BCL11A: variants seen among roughly 807,000 people sequenced by gnomAD.
BCL11A encodes the protein B cell CLL/lymphoma 11A.
BCL11A carries 2 observed loss-of-function variants against 55.9 expected under a neutral mutation model. That is an observed-to-expected ratio of 0.04 (90% CI 0.01 to 0.11). The LOEUF is 0.11. Among genes scored for constraint, BCL11A ranks in the 10% least tolerant of loss-of-function variants. The probability of loss-of-function intolerance (pLI) is 1.00; values close to 1 mark genes in which losing one functional copy is unlikely to be tolerated. For missense variants in BCL11A, 817 were observed against 1,137.1 expected (o/e 0.72, Z 4.05); for synonymous variants, 465 against 473.4 (o/e 0.98, Z 0.23).
At chr2:60,516,824 T>G (rs113709802) in intron 2 of BCL11A, among the ~76,000 whole-genome samples, 2 of 152,274 alleles carry the variant, frequency 1.3e-5, no homozygotes, top group South Asian at 2.1e-4. Context: ...TGGAAAACAC[T>G]AAGATATCTT....
intron 3 of BCL11A, among the ~76,000 whole-genome samples, chr2:60,468,024 T>TG (rs1344816607): frequency 1.1e-5 from 1 of 89,768 alleles, no homozygotes; most frequent in South Asian, 4.1e-4. Flanking sequence ...GTGGTGGTGG[T>TG]AGTGGTGGTG....
At chr2:60,481,165 A>G (rs1677933026) in intron 2 of BCL11A, among the ~76,000 whole-genome samples, 2 of 152,126 alleles carry the variant, frequency 1.3e-5, no homozygotes, top group South Asian at 4.2e-4. Flanking sequence ...TGCTGTGCTC[A>G]AGGAGATTGA....
At chr2:60,521,352 G>C (rs115917401) in intron 2 of BCL11A, among the ~76,000 whole-genome samples, 1 of 152,220 alleles carries the variant, frequency 6.6e-6, no homozygotes, top group Non-Finnish European at 1.5e-5. Context: ...TAAAACCAGA[G>C]GGACCCGGGC....
downstream of BCL11A, chr2:60,452,691 A>AG (rs752196143): frequency 3.2e-6 from 5 of 1,567,172 alleles, no homozygotes; most frequent in Admixed American, 1.7e-5. Flanking sequence ...GAGACAGAGG[A>AG]GGGGGAAAAA....
intron 2 of BCL11A, among the ~76,000 whole-genome samples, chr2:60,500,497 A>G (rs1302348631): frequency 2.6e-5 from 4 of 152,200 alleles, no homozygotes; most frequent in Non-Finnish European, 5.9e-5. Flanking sequence ...CCCAAGAGCC[A>G]GGGAAGGAAG....
intron 2 of BCL11A, among the ~76,000 whole-genome samples, chr2:60,513,004 A>T (rs1668548544): frequency 6.6e-6 from 1 of 152,162 alleles, no homozygotes; most frequent in Admixed American, 6.5e-5. Flanking sequence ...CTGACGAGTC[A>T]CAGTGGACCA....
At chr2:60,551,973 A>G (rs2104793231) in intron 1 of BCL11A, among the ~76,000 whole-genome samples, 1 of 152,276 alleles carries the variant, frequency 6.6e-6, no homozygotes, top group African/African-American at 2.4e-5. Flanking sequence ...TTCCCAATCA[A>G]AATCCACTTC....
chr2:60,506,967 C>G (rs1401399473), intron 2 of BCL11A, among the ~76,000 whole-genome samples: 1 of 152,036 alleles, frequency 6.6e-6, no homozygotes, highest in Non-Finnish European at 1.5e-5. Context: ...ATGTGATGAA[C>G]AGAGCTATAA....
At chr2:60,497,619 T>C (rs1201190576) in intron 2 of BCL11A, among the ~76,000 whole-genome samples, 2 of 14,934 alleles carry the variant, frequency 1.3e-4, no homozygotes, top group African/African-American at 4.2e-4. Flanking sequence ...TAATGACCAT[T>C]ATGATGATGA....
intron 2 of BCL11A, chr2:60,526,578 T>A (rs145779355): frequency 6.6e-6 from 1 of 152,356 alleles, no homozygotes; most frequent in Non-Finnish European, 1.5e-5. Context: ...GAGCTCTGAT[T>A]TTAATCTGCA....
chr2:60,495,404 T>C (rs1678888569), intron 2 of BCL11A, among the ~76,000 whole-genome samples: 1 of 152,246 alleles, frequency 6.6e-6, no homozygotes, highest in African/African-American at 2.4e-5. Flanking sequence ...GAATCAGCTA[T>C]CTGCTCTTAC....
chr2:60,454,034 G>T (rs181551680), downstream of BCL11A, among the ~76,000 whole-genome samples: 94 of 152,180 alleles, frequency 6.2e-4, no homozygotes, highest in East Asian at 2.1e-3. Context: ...CTGGGAAATA[G>T]AGAGAGAGAA....
rs1449675152 is a variant in BCL11A at position 60,468,788 on chromosome 2, T to A, written c.431A>T (p.His144Leu). Residue 144 changes from histidine to leucine, a missense_variant, in exon 3 of 4, where the codon CAT becomes CTT. Coordinates refer to ENST00000642384, the MANE Select transcript of BCL11A (RefSeq NM_022893.4). ...WRGLSSPRSAHGALIPTPGMS... is the reference protein window; with the variant it reads ...WRGLSSPRSALGALIPTPGMS... ...CCCAGGCGTGGGGATTAGAGCTCCA[T>A]GTGCAGAACGAGGGGAGGAGAGGCC... 1.9e-6 allele frequency: 3 copies of A among 1,607,158 alleles called. No individual in the cohort carries two copies. Among genetic ancestry groups the A allele is most frequent in the Admixed American group, 1.7e-5 (1 of 57,726 alleles).
rs994374980 is a variant in BCL11A, at chr2:60,493,345, C to T, written c.386-24512G>A. Among the ~76,000 whole-genome samples, 5 of 152,122 alleles carry T rather than the reference C, an allele frequency of 3.3e-5. No homozygotes were observed. In the East Asian group the frequency reaches 7.7e-4, roughly 23 times the overall value. On this transcript the variant is annotated intron_variant, in intron 2 of 3. Coordinates refer to ENST00000642384, the MANE Select transcript of BCL11A (RefSeq NM_022893.4). ...TCTTAGGTAAACATCTAAGGCATTT[C>T]GAGAACACAGAAAAGGTTTTGAGTT...
chr2:60,460,547 T>C lies in BCL11A; in HGVS notation c.2365A>G (p.Met789Val), dbSNP rs1390133648. The C allele has an allele frequency of 6.2e-7, 1 of 1,614,044 alleles. No homozygotes were observed. The highest frequency in any genetic ancestry group is 1.3e-5 in the African/African-American group (1 of 74,946). The stretch of plus-strand genomic sequence containing the variant: ...TTCCCCACCTGGCCATGCGTTTTCA[T>C]GTGCCTGGTGAGCTTGCTACTCTGG... ...CAQSSKLTRH[M>V]KTHGQVGKDV... The change falls in exon 4 of 4, where the codon ATG (methionine) becomes GTG (valine). Residue 789 changes from methionine (M) to valine (V), a missense_variant. Physicochemically the swap from Met to Val is conservative, Grantham distance 21. Coordinates refer to ENST00000642384, the MANE Select transcript of BCL11A (RefSeq NM_022893.4).
downstream of BCL11A, chr2:60,451,091 G>A (rs749151855): frequency 4.5e-5 from 8 of 179,456 alleles, no homozygotes; most frequent in East Asian, 2.8e-4. Context: ...AGTAGAAGTC[G>A]TGAGATCTGT....
At chr2:60,529,486 A>T (rs1326928387) in intron 2 of BCL11A, among the ~76,000 whole-genome samples, 1 of 152,238 alleles carries the variant, frequency 6.6e-6, no homozygotes, top group East Asian at 1.9e-4. Flanking sequence ...AAAAGAAAGA[A>T]GATACATCAT....
At position 60,518,862 on chromosome 2, in the gene BCL11A, C is replaced by T. The variant is rs1331881850; in HGVS notation, c.385+27109G>A. Among the ~76,000 whole-genome samples the T allele has an allele frequency of 2.6e-5, 4 of 152,170 alleles. No homozygotes were observed. In the East Asian group the frequency reaches 7.7e-4, roughly 29 times the overall value. ...ATGGTGTTGCTCGATGGGCAAAGAT[C>T]AAGAGGCAGTCGTTCACCACCAGCC... On this transcript the variant is annotated intron_variant, in intron 2 of 3. Coordinates refer to ENST00000642384, the MANE Select transcript of BCL11A (RefSeq NM_022893.4).
chr2:60,530,520 G>T (rs1231156193), intron 2 of BCL11A, among the ~76,000 whole-genome samples: 1 of 151,608 alleles, frequency 6.6e-6, no homozygotes, highest in Non-Finnish European at 1.5e-5. Flanking sequence ...AGCCAGGAAA[G>T]ATGATAGAAC....
Sources: gnomAD v4.1 joint callset for allele counts (sites outside exome capture counted in the v4.1 genomes callset) on GRCh38, gnomAD v4.1.1 for gene constraint, MANE v1.5 for transcripts, NCBI Gene and HGNC (gene_info 2026-07-23, HGNC 2026-07-21) for gene names.